Variants in TMPRSS11A observed in about 807,000 individuals in gnomAD.
TMPRSS11A encodes transmembrane serine protease 11A.
A neutral mutation model predicts 58.9 loss-of-function variants in TMPRSS11A; 53 were observed. The observed-to-expected ratio is 0.90, with a 90% CI of 0.72 to 1.13. TMPRSS11A has a LOEUF of 1.13. TMPRSS11A is among the 50% of genes most tolerant of loss of function. The pLI is 0.00. For synonymous variants in TMPRSS11A, 167 were observed against 169.8 expected (o/e 0.98, Z 0.13); for missense variants, 493 against 499.3 (o/e 0.99, Z 0.12).
In TMPRSS11A at chr4:67,910,549, C is replaced by T. The variant is rs867537682; in HGVS notation, c.*793G>A. The T allele has an allele frequency of 6.6e-6, 1 of 151,748 alleles. No homozygotes were observed. Among genetic ancestry groups the T allele is most frequent in the Non-Finnish European group, 1.5e-5 (1 of 67,902 alleles). The allele number at this position is 151,748 out of a possible 1,614,324, so 9.4% of individuals were successfully genotyped here. On this transcript the variant is annotated 3_prime_UTR_variant, in exon 10 of 10. Coordinates refer to ENST00000508048, the MANE Select transcript of TMPRSS11A (RefSeq NM_001114387.2). ...CTGTGAAATGTCAAATTTCTTATGC[C>T]GGTGTTTTGGGACTAATGAAATTAC...
chr4:67,952,738 C>T (rs1318343100), intron 1 of TMPRSS11A, among the ~76,000 whole-genome samples: 1 of 152,166 alleles, frequency 6.6e-6, no homozygotes, highest in Non-Finnish European at 1.5e-5. Flanking sequence ...CAAATATTCT[C>T]TATATGTTTT....
chr4:67,915,304 AC>A (rs2109733455), intron 8 of TMPRSS11A, among the ~76,000 whole-genome samples: 3 of 152,274 alleles, frequency 2.0e-5, no homozygotes, highest in African/African-American at 7.2e-5. Flanking sequence ...AGTTTTAGAA[AC>A]CATTATTATG....
At chr4:67,961,060 A>G (rs1409986216) in intron 1 of TMPRSS11A, among the ~76,000 whole-genome samples, 8 of 152,242 alleles carry the variant, frequency 5.3e-5, no homozygotes. Flanking sequence ...GGAAAATTCA[A>G]ACAGATTCAC....
Position 67,919,094 on chromosome 4 carries a change from C to A in TMPRSS11A, c.831G>T (p.Gln277His). 6.2e-7 allele frequency: 1 copy of A among 1,614,154 alleles called. No individual in the cohort carries two copies. The highest frequency in any genetic ancestry group is 8.5e-7 in the Non-Finnish European group (1 of 1,180,020). The change falls in exon 8 of 10, where the codon CAG becomes CAT. Residue 277 changes from glutamine to histidine, a missense_variant. Gln to His is a conservative substitution (Grantham distance 24). Coordinates refer to ENST00000508048, the MANE Select transcript of TMPRSS11A (RefSeq NM_001114387.2). ...CCGAAAAGGTGACTCTGGAAGAGAC[C>A]TGCACAACAGCAATGTCGTACTCTC... is the stretch of plus-strand genomic sequence containing the variant. ...AAREYDIAVV[Q>H]VSSRVTFSDD...
chr4:67,945,774 G>A (rs1235824502), intron 2 of TMPRSS11A, among the ~76,000 whole-genome samples: 2 of 152,102 alleles, frequency 1.3e-5, no homozygotes, highest in African/African-American at 4.8e-5. Context: ...AGAGATTTGT[G>A]AAAAAATGTA....
intron 1 of TMPRSS11A, among the ~76,000 whole-genome samples, chr4:67,952,017 A>C (rs951450492): frequency 3.9e-5 from 6 of 152,206 alleles, no homozygotes; most frequent in African/African-American, 7.2e-5. Flanking sequence ...ATACTCTGAT[A>C]TGTGGATATC....
chr4:67,909,451 G>T lies in TMPRSS11A; in HGVS notation c.*1891C>A, dbSNP rs952596363. The T allele has an allele frequency of 4.6e-5, 7 of 152,060 alleles. No homozygotes were observed. The highest frequency in any genetic ancestry group is 1.0e-4 in the Non-Finnish European group (7 of 67,956). The allele number at this position is 152,060 out of a possible 1,614,324, so 9.4% of individuals were successfully genotyped here. A position where few individuals can be genotyped will look rare whatever the true frequency, so the allele number is the denominator to read the frequency against. ...ATGACATATCAATATCTGCTTACAT[G>T]TGACCCAAAATGAAATGCTGCACCA... On this transcript the variant is annotated 3_prime_UTR_variant, in exon 10 of 10. Transcript: ENST00000508048.
rs767625101 is a variant in TMPRSS11A, at chr4:67,922,909, C to T, written c.538G>A (p.Val180Ile). The T allele has an allele frequency of 6.8e-6, 11 of 1,613,956 alleles. No individual in the cohort carries two copies. In the East Asian group the frequency reaches 2.2e-4, roughly 33 times the overall value. The change falls in exon 7 of 10, where the codon GTT (valine) becomes ATT (isoleucine). Residue 180 changes from valine to isoleucine, a missense_variant. Physicochemically the swap from Val to Ile is conservative, Grantham distance 29. Transcript: ENST00000508048. Reference sequence around the variant, plus strand: ...GCTATTCTGTTGACGTTTAATGGAACAACTCGTTTACCACAACCTGAAAAA... The same window carrying T: ...GCTATTCTGTTGACGTTTAATGGAATAACTCGTTTACCACAACCTGAAAAA... ...TVQASCGKRVVPLNVNRIASG... is the reference protein window; with the variant it reads ...TVQASCGKRVIPLNVNRIASG...
chr4:67,948,824 C>T (rs1721089178), intron 1 of TMPRSS11A, among the ~76,000 whole-genome samples: 1 of 151,970 alleles, frequency 6.6e-6, no homozygotes, highest in South Asian at 2.1e-4. Flanking sequence ...GAATTACTTT[C>T]CATATGAGAA....
intron 3 of TMPRSS11A, among the ~76,000 whole-genome samples, chr4:67,938,791 A>G (rs1025877414): frequency 5.9e-5 from 9 of 151,518 alleles, no homozygotes; most frequent in Admixed American, 2.0e-4. Context: ...TACCAATGCC[A>G]TTCTGTTTTG....
chr4:67,951,280 G>T (rs1404435855), intron 1 of TMPRSS11A, among the ~76,000 whole-genome samples: 1 of 152,158 alleles, frequency 6.6e-6, no homozygotes, highest in Non-Finnish European at 1.5e-5. Context: ...TCATGACTTT[G>T]CTTTCTGCAG....
At chr4:67,935,018 GA>G (rs1000321624) in intron 3 of TMPRSS11A, among the ~76,000 whole-genome samples, 1 of 151,806 alleles carries the variant, frequency 6.6e-6, no homozygotes, top group Non-Finnish European at 1.5e-5. Flanking sequence ...ACCATGCTGT[GA>G]AAAAAAACTT....
chr4:67,938,008 A>G (rs1322895697), intron 3 of TMPRSS11A, among the ~76,000 whole-genome samples: 1 of 152,130 alleles, frequency 6.6e-6, no homozygotes, highest in African/African-American at 2.4e-5. Flanking sequence ...GGCTGAACCC[A>G]TTTACGTTTC....
chr4:67,918,606 C>T (rs1191650186), intron 8 of TMPRSS11A, among the ~76,000 whole-genome samples: 3 of 151,992 alleles, frequency 2.0e-5, no homozygotes, highest in Admixed American at 6.6e-5. Flanking sequence ...TGTTGTTAGC[C>T]ACCTCTGACA....
At chr4:67,920,855 T>TA (rs1210363074) in intron 7 of TMPRSS11A, among the ~76,000 whole-genome samples, 1 of 152,100 alleles carries the variant, frequency 6.6e-6, no homozygotes, top group African/African-American at 2.4e-5. Context: ...AAATGTGGTA[T>TA]ACATACACCA....
intron 6 of TMPRSS11A, among the ~76,000 whole-genome samples, chr4:67,923,538 A>ATGAG (rs1720388023): frequency 6.6e-6 from 1 of 152,032 alleles, no homozygotes; most frequent in Non-Finnish European, 1.5e-5. Flanking sequence ...ATGGAGTCTC[A>ATGAG]CTCTGTCGCT....
intron 1 of TMPRSS11A, among the ~76,000 whole-genome samples, chr4:67,958,182 A>G (rs1312792717): frequency 6.6e-6 from 1 of 152,210 alleles, no homozygotes; most frequent in Non-Finnish European, 1.5e-5. Flanking sequence ...CTCCACACAA[A>G]GTCCCTACTG....
chr4:67,920,887 A>G (rs1489807579), intron 7 of TMPRSS11A, among the ~76,000 whole-genome samples: 1 of 152,212 alleles, frequency 6.6e-6, no homozygotes, highest in African/African-American at 2.4e-5. Context: ...GCAGCCATAA[A>G]AAGAACAAAA....
At chr4:67,920,545 ATATATT>A (rs1461985818) in intron 7 of TMPRSS11A, among the ~76,000 whole-genome samples, 3 of 88,682 alleles carry the variant, frequency 3.4e-5, no homozygotes, top group African/African-American at 1.2e-4. Flanking sequence ...ATATATATAT[ATATATT>A]TTTTTTTATA....
Sources: gnomAD v4.1 joint callset for allele counts (sites outside exome capture counted in the v4.1 genomes callset) on GRCh38, gnomAD v4.1.1 for gene constraint, MANE v1.5 for transcripts, NCBI Gene and HGNC (gene_info 2026-07-23, HGNC 2026-07-21) for gene names.